F9: variants seen among roughly 807,000 people sequenced by gnomAD.
The protein encoded by F9 is coagulation factor IX.
F9 carries 2 observed loss-of-function variants against 34.1 expected under a neutral mutation model. The observed-to-expected ratio is 0.06, with a 90% CI of 0.02 to 0.18. The LOEUF (loss-of-function observed/expected upper bound fraction) is 0.18. Among genes scored for constraint, F9 ranks in the 10% least tolerant of loss-of-function variants. The probability of loss-of-function intolerance (pLI) is 1.00; values close to 1 mark genes in which losing one functional copy is unlikely to be tolerated. For missense variants in F9, 216 were observed against 345.1 expected (o/e 0.63, Z 2.96); for synonymous variants, 137 against 118.8 (o/e 1.15, Z -1.00).
At chrX:139,557,483 G>T in intron 6 of F9, among the ~76,000 whole-genome samples, 1 of 111,810 alleles carries the variant, frequency 8.9e-6, no homozygotes. Flanking sequence ...AGAAGCTCCA[G>T]GAAGCAAGTC....
intron 1 of F9, among the ~76,000 whole-genome samples, chrX:139,536,753 G>A (rs1453529948): frequency 8.9e-6 from 1 of 112,001 alleles, no homozygotes; most frequent in Non-Finnish European, 1.9e-5. Context: ...TTCATCCAAA[G>A]TAAATTCAAA....
chrX:139,530,785 C>G lies in F9; in HGVS notation c.21C>G (p.Ile7Met). 8.3e-7 allele frequency: 1 copy of G among 1,211,032 alleles called. No homozygotes were observed. Among genetic ancestry groups the G allele is most frequent in the Non-Finnish European group, 1.1e-6 (1 of 894,672 alleles). Reference protein sequence around the residue: MQRVNMIMAESPGLITI... With the variant: MQRVNMMMAESPGLITI... ...AGGTTATGCAGCGCGTGAACATGAT[C>G]ATGGCAGAATCACCAGGCCTCATCA... The change falls in exon 1 of 8, where the codon ATC (isoleucine) becomes ATG (methionine). Residue 7 changes from isoleucine to methionine, a missense_variant. Physicochemically the swap from Ile to Met is conservative, Grantham distance 10. Coordinates refer to ENST00000218099, the MANE Select transcript of F9 (RefSeq NM_000133.4).
At chrX:139,560,992 C>A in intron 7 of F9, 137 bp downstream of exon 7, 1 of 528,659 alleles carries the variant, frequency 1.9e-6, no homozygotes, top group South Asian at 2.6e-5. Flanking sequence ...AATTTCAGAA[C>A]CCACGTCGCA....
intron 3 of F9, 81 bp downstream of exon 3, chrX:139,537,467 A>G: frequency 1.2e-6 from 1 of 839,985 alleles, no homozygotes. Context: ...TAAATAGATA[A>G]TATATTAAAC....
chrX:139,543,498 A>G (rs773785303), intron 4 of F9, among the ~76,000 whole-genome samples: 6 of 112,370 alleles, frequency 5.3e-5, no homozygotes, highest in Non-Finnish European at 7.5e-5. Flanking sequence ...AGCATGTCAC[A>G]GACACTACTG....
intron 1 of F9, among the ~76,000 whole-genome samples, chrX:139,534,987 G>A (rs2148354665): frequency 9.0e-6 from 1 of 111,712 alleles, no homozygotes; most frequent in African/African-American, 3.3e-5. Flanking sequence ...CTCCAATTTA[G>A]GGGCTAGGAT....
At chrX:139,531,088 C>T (rs1438166206) in intron 1 of F9, among the ~76,000 whole-genome samples, 1 of 111,818 alleles carries the variant, frequency 8.9e-6, no homozygotes, top group East Asian at 2.8e-4. Context: ...TTAATAAACA[C>T]TGTTCAGTTC....
chrX:139,535,889 A>G (rs1401694019), intron 1 of F9, among the ~76,000 whole-genome samples: 1 of 110,714 alleles, frequency 9.0e-6, no homozygotes, highest in Non-Finnish European at 1.9e-5. Flanking sequence ...ATAGCTTACT[A>G]CATACCTAGG....
At chrX:139,554,780 G>A (rs1395676463) in intron 6 of F9, among the ~76,000 whole-genome samples, 1 of 112,902 alleles carries the variant, frequency 8.9e-6, no homozygotes, top group Non-Finnish European at 1.9e-5. Flanking sequence ...AGAAAAGAGT[G>A]TTTCAAAATG....
chrX:139,549,378 T>C (rs993305197), intron 5 of F9, among the ~76,000 whole-genome samples: 1 of 111,463 alleles, frequency 9.0e-6, no homozygotes, highest in Admixed American at 9.6e-5. Context: ...CGAGATCAGC[T>C]TGGTCAGGGA....
chrX:139,534,449 G>A (rs1333163729), intron 1 of F9, among the ~76,000 whole-genome samples: 1 of 111,837 alleles, frequency 8.9e-6, no homozygotes, highest in East Asian at 2.8e-4. Flanking sequence ...CAACCACACT[G>A]TACAGTCAGC....
chrX:139,539,095 C>G (rs1249595961), intron 3 of F9, among the ~76,000 whole-genome samples: 1 of 112,068 alleles, frequency 8.9e-6, no homozygotes, highest in East Asian at 2.8e-4. Flanking sequence ...CTGTGCTATT[C>G]TGTACCATCA....
intron 3 of F9, among the ~76,000 whole-genome samples, chrX:139,540,159 C>T (rs780483685): frequency 2.7e-5 from 3 of 111,305 alleles, no homozygotes; most frequent in African/African-American, 9.8e-5. Context: ...TGGTTCTATT[C>T]ATCCTTCTCT....
intron 1 of F9, 21 bp from the exon 2 acceptor site, chrX:139,536,989 A>C (rs1448793029): frequency 2.5e-6 from 3 of 1,186,800 alleles, no homozygotes; most frequent in Non-Finnish European, 3.4e-6. Flanking sequence ...AAAACTAAAG[A>C]ATTATTCTTT....
intron 4 of F9, chrX:139,544,809 T>G (rs928839627): frequency 8.9e-6 from 1 of 111,740 alleles, no homozygotes; most frequent in Non-Finnish European, 1.9e-5. Flanking sequence ...CTCCAATAAG[T>G]CAAATTGGCC....
chrX:139,552,155 CT>C (rs1221497310), intron 6 of F9, among the ~76,000 whole-genome samples: 2 of 111,801 alleles, frequency 1.8e-5, no homozygotes, highest in Non-Finnish European at 1.9e-5. Context: ...GATCACACCA[CT>C]GCACTTCAGC....
chrX:139,560,647 C>A lies in F9; in HGVS notation c.724-94C>A, dbSNP rs3117455. On this transcript the variant is annotated intron_variant, in intron 6 of 7. Coordinates refer to ENST00000218099, the MANE Select transcript of F9 (RefSeq NM_000133.4). The stretch of plus-strand genomic sequence containing the variant: ...TCCATTTCTGCCAGCACCTAGAAGC[C>A]AATATTTTGCCTATTCCTGTAACCA... 280 of 604,627 alleles carry A rather than the reference C, an allele frequency of 4.6e-4. No homozygotes were observed. The African/African-American group carries it at 5.4e-3, about 12-fold the overall frequency. The allele number at this position is 604,627 out of a possible 1,213,427, so 49.8% of individuals were successfully genotyped here.
chrX:139,536,216 CAT>C (rs1491265600), intron 1 of F9, among the ~76,000 whole-genome samples: 10 of 89,257 alleles, frequency 1.1e-4, no homozygotes, highest in East Asian at 6.3e-4. Flanking sequence ...TATACACACA[CAT>C]ATATATGTAC....
chrX:139,548,607 A>T, intron 5 of F9, 116 bp downstream of exon 5: 1 of 781,667 alleles, frequency 1.3e-6, no homozygotes, highest in Non-Finnish European at 1.8e-6. Context: ...AATCATAGAA[A>T]ATATCAGTAG....
Sources: gnomAD v4.1 joint callset for allele counts (sites outside exome capture counted in the v4.1 genomes callset) on GRCh38, gnomAD v4.1.1 for gene constraint, MANE v1.5 for transcripts, NCBI Gene and HGNC (gene_info 2026-07-23, HGNC 2026-07-21) for gene names.